Variants in LRRIQ1 observed in about 807,000 individuals in gnomAD.
The protein encoded by LRRIQ1 is leucine-rich repeat- and IQ domain-containing protein 1.
A neutral mutation model predicts 211.9 loss-of-function variants in LRRIQ1; 210 were observed. The observed-to-expected ratio is 0.99, with a 90% confidence interval of 0.89 to 1.11. LRRIQ1 has a LOEUF of 1.11. Ranked by LOEUF, LRRIQ1 falls within the 50% of genes most tolerant of loss-of-function variation. The pLI is 0.00. For synonymous variants in LRRIQ1, 699 were observed against 650.1 expected (o/e 1.08, Z -1.14); for missense variants, 2,136 against 1,939.5 (o/e 1.10, Z -1.90).
intron 8 of LRRIQ1, among the ~76,000 whole-genome samples, chr12:85,057,677 C>G (rs1478413037): frequency 6.6e-6 from 1 of 151,950 alleles, no homozygotes; most frequent in Non-Finnish European, 1.5e-5. Flanking sequence ...AATTATTTAG[C>G]GTGTGCTATT....
chr12:85,141,858 A>G (rs1299523092), intron 19 of LRRIQ1, among the ~76,000 whole-genome samples: 1 of 150,782 alleles, frequency 6.6e-6, no homozygotes, highest in Non-Finnish European at 1.5e-5. Context: ...TGCATTTATC[A>G]AGTATTTTTG....
chr12:85,049,911 T>G (rs2135943605), intron 6 of LRRIQ1, among the ~76,000 whole-genome samples: 1 of 152,360 alleles, frequency 6.6e-6, no homozygotes, highest in East Asian at 1.9e-4. Context: ...TGAGATCACA[T>G]TGTCTTGATT....
At chr12:85,149,408 A>T (rs1221781109) in intron 19 of LRRIQ1, among the ~76,000 whole-genome samples, 2 of 151,758 alleles carry the variant, frequency 1.3e-5, no homozygotes, top group Non-Finnish European at 2.9e-5. Flanking sequence ...TGAACAGGAG[A>T]TCTTTTTCCC....
downstream of LRRIQ1, among the ~76,000 whole-genome samples, chr12:85,267,380 GC>G (rs1197058084): frequency 6.6e-6 from 1 of 151,766 alleles, no homozygotes; most frequent in East Asian, 1.9e-4. Flanking sequence ...AGCCATATTA[GC>G]CCCTAAAATT....
At chr12:85,120,219 G>T (rs947056426) in intron 15 of LRRIQ1, among the ~76,000 whole-genome samples, 4 of 152,088 alleles carry the variant, frequency 2.6e-5, no homozygotes, top group East Asian at 1.9e-4. Flanking sequence ...TTTGTGAAGG[G>T]TGTAGTCTGT....
At chr12:85,195,875 A>G (rs568157332) in intron 24 of LRRIQ1, among the ~76,000 whole-genome samples, 46 of 152,086 alleles carry the variant, frequency 3.0e-4, no homozygotes, top group African/African-American at 1.0e-3. Flanking sequence ...AGGAAAAGAG[A>G]AAGTCAAATT....
At position 85,056,892 on chromosome 12, in the gene LRRIQ1, A is replaced by C. The variant is rs756269823; in HGVS notation, c.2099A>C (p.Glu700Ala). The C allele has an allele frequency of 4.3e-6, 7 of 1,613,366 alleles. No individual in the cohort carries two copies. The East Asian group carries it at 1.3e-4, about 31-fold the overall frequency. ...YNAESSMVSK[E>A]VNSLKSEIRN... ...GCAGAAAGCTCCATGGTATCTAAAG[A>C]AGTCAACTCTCTTAAATCTGAGATT... is the stretch of plus-strand genomic sequence containing the variant. The change falls in exon 8 of 27, where the codon GAA becomes GCA. Residue 700 changes from glutamate to alanine, a missense_variant. By Grantham distance (107) the Glu-to-Ala change is moderately radical. Coordinates refer to ENST00000393217, the MANE Select transcript of LRRIQ1 (RefSeq NM_001079910.2).
intron 1 of LRRIQ1, chr12:85,262,821 C>T (rs1206819866): frequency 3.6e-6 from 2 of 562,620 alleles, no homozygotes; most frequent in African/African-American, 4.1e-5. Flanking sequence ...GACTTTTCAA[C>T]TGCATGTTTT....
At chr12:85,246,393 A>G (rs1428151270), downstream of LRRIQ1, among the ~76,000 whole-genome samples, 1 of 151,366 alleles carries the variant, frequency 6.6e-6, no homozygotes, top group African/African-American at 2.4e-5. Flanking sequence ...TACGCATTGC[A>G]TATTACAAAC....
At chr12:85,120,591 T>C (rs1375877184) in intron 15 of LRRIQ1, among the ~76,000 whole-genome samples, 1 of 152,226 alleles carries the variant, frequency 6.6e-6, no homozygotes, top group Non-Finnish European at 1.5e-5. Context: ...TGATTGGCAG[T>C]GAGTTTAATC....
intron 18 of LRRIQ1, among the ~76,000 whole-genome samples, chr12:85,137,209 G>C (rs867140475): frequency 6.0e-5 from 9 of 151,012 alleles, no homozygotes; most frequent in African/African-American, 1.9e-4. Flanking sequence ...TTTTTACACA[G>C]TATATTCTGA....
intron 16 of LRRIQ1, among the ~76,000 whole-genome samples, chr12:85,123,612 TAAATG>T (rs1037974551): frequency 6.6e-5 from 10 of 152,128 alleles, no homozygotes; most frequent in Non-Finnish European, 1.3e-4. Context: ...TTTCCAGAGA[TAAATG>T]GGAATAAAAA....
downstream of LRRIQ1, among the ~76,000 whole-genome samples, chr12:85,266,300 A>T (rs1450453313): frequency 1.3e-5 from 2 of 152,128 alleles, no homozygotes; most frequent in Non-Finnish European, 2.9e-5. Context: ...ATTATATTTG[A>T]CATCCTGTTG....
rs1001439973 is a variant in LRRIQ1, at chr12:85,106,624, G to C, written c.3377+9G>C. ...CAAGAAACAAACTGGAGGTAAAGAG[G>C]CATTGTTGCACCCCATGTATATCCA... is the stretch of plus-strand genomic sequence containing the variant. On this transcript the variant is annotated intron_variant, in intron 15 of 26. Coordinates refer to ENST00000393217, the MANE Select transcript of LRRIQ1 (RefSeq NM_001079910.2). The C allele has an allele frequency of 4.5e-6, 7 of 1,568,088 alleles. No homozygotes were observed. The highest frequency in any genetic ancestry group is 6.1e-6 in the Non-Finnish European group (7 of 1,139,584).
intron 18 of LRRIQ1, among the ~76,000 whole-genome samples, chr12:85,132,821 C>A (rs1431010281): frequency 1.3e-5 from 2 of 149,910 alleles, no homozygotes; most frequent in East Asian, 3.9e-4. Flanking sequence ...TTTTAAAATA[C>A]CAAAATGAAA....
intron 17 of LRRIQ1, among the ~76,000 whole-genome samples, chr12:85,126,309 G>A (rs954865145): frequency 4.6e-5 from 7 of 150,750 alleles, no homozygotes; most frequent in East Asian, 3.9e-4. Flanking sequence ...GTTACAGTTC[G>A]TGAAACTTGC....
At chr12:85,150,469 TG>T (rs375714981) in intron 19 of LRRIQ1, among the ~76,000 whole-genome samples, 3 of 151,818 alleles carry the variant, frequency 2.0e-5, no homozygotes, top group African/African-American at 7.2e-5. Context: ...TCATTCATGA[TG>T]AGCTAAAGAG....
chr12:85,125,615 G>A (rs950653445), intron 17 of LRRIQ1, among the ~76,000 whole-genome samples: 3 of 152,040 alleles, frequency 2.0e-5, no homozygotes, highest in Non-Finnish European at 4.4e-5. Flanking sequence ...AGTTGTCAGG[G>A]TAAAGAGTAA....
At chr12:85,089,692 T>C (rs550682991) in intron 11 of LRRIQ1, among the ~76,000 whole-genome samples, 4 of 152,202 alleles carry the variant, frequency 2.6e-5, no homozygotes, top group African/African-American at 4.8e-5. Context: ...GCCTGGCTGC[T>C]TCTAACAACC....
Sources: gnomAD v4.1 joint callset for allele counts (sites outside exome capture counted in the v4.1 genomes callset) on GRCh38, gnomAD v4.1.1 for gene constraint, MANE v1.5 for transcripts, NCBI Gene and HGNC (gene_info 2026-07-23, HGNC 2026-07-21) for gene names.